SOS1: variants seen among roughly 807,000 people sequenced by gnomAD.
The protein encoded by SOS1 is son of sevenless homolog 1.
SOS1 carries 25 observed loss-of-function variants against 157.6 expected under a neutral mutation model. The ratio of observed to expected loss-of-function variants is 0.16; its 90% CI spans 0.12 to 0.22. The LOEUF is 0.22. SOS1 is among the 10% of genes least tolerant of loss of function. The pLI, the probability that SOS1 is intolerant of heterozygous loss-of-function variation, is 1.00. For missense variants in SOS1, 1,237 were observed against 1,599.1 expected (o/e 0.77, Z 3.86); for synonymous variants, 528 against 534.0 (o/e 0.99, Z 0.16).
intron 11 of SOS1, 94 bp from the exon 12 acceptor site, chr2:39,014,083 A>T: frequency 4.5e-6 from 4 of 881,910 alleles, no homozygotes; most frequent in Non-Finnish European, 7.2e-6. Context: ...AGCAAAATCA[A>T]GAGAATACTG....
intron 17 of SOS1, among the ~76,000 whole-genome samples, chr2:39,000,533 G>A (rs1327987753): frequency 6.6e-6 from 1 of 152,152 alleles, no homozygotes; most frequent in Non-Finnish European, 1.5e-5. Flanking sequence ...TAGGGAAAGA[G>A]AAAACAGAGC....
At chr2:39,114,574 T>A (rs780751857) in intron 1 of SOS1, among the ~76,000 whole-genome samples, 1 of 152,134 alleles carries the variant, frequency 6.6e-6, no homozygotes, top group Non-Finnish European at 1.5e-5. Flanking sequence ...AGTGCTGGGA[T>A]TACAGGCGTG....
chr2:39,090,131 C>A (rs190164196), intron 1 of SOS1, among the ~76,000 whole-genome samples: 15 of 97,148 alleles, frequency 1.5e-4, no homozygotes, highest in Admixed American at 2.3e-4. Flanking sequence ...CAGAGTGAGA[C>A]CCTGTCTCAA....
At chr2:39,017,120 G>T (rs765061017) in intron 10 of SOS1, among the ~76,000 whole-genome samples, 2 of 151,988 alleles carry the variant, frequency 1.3e-5, no homozygotes, top group Non-Finnish European at 2.9e-5. Flanking sequence ...GAGCAGGGCT[G>T]GAAGAGATGT....
At chr2:39,042,731 T>A (rs973657619) in intron 6 of SOS1, among the ~76,000 whole-genome samples, 1 of 151,476 alleles carries the variant, frequency 6.6e-6, no homozygotes. Flanking sequence ...TTTTTTTTTT[T>A]TAAAAACAAA....
intron 1 of SOS1, among the ~76,000 whole-genome samples, chr2:39,103,407 C>T (rs1673047001): frequency 6.6e-6 from 1 of 152,032 alleles, no homozygotes; most frequent in Non-Finnish European, 1.5e-5. Flanking sequence ...GAACTTACTA[C>T]AATGCTACAG....
chr2:39,060,042 G>C (rs982188897), intron 2 of SOS1, among the ~76,000 whole-genome samples: 1 of 152,174 alleles, frequency 6.6e-6, no homozygotes, highest in African/African-American at 2.4e-5. Context: ...GGTGAAAAGG[G>C]AGAAAAGGGA....
At chr2:39,116,569 T>C (rs1277048173) in intron 1 of SOS1, among the ~76,000 whole-genome samples, 2 of 152,238 alleles carry the variant, frequency 1.3e-5, no homozygotes, top group Non-Finnish European at 2.9e-5. Flanking sequence ...GTGCTGTTAC[T>C]CCCCTACTTA....
At chr2:39,045,498 G>A (rs369777831) in intron 6 of SOS1, among the ~76,000 whole-genome samples, 127 of 152,062 alleles carry the variant, frequency 8.4e-4, no homozygotes, top group African/African-American at 3.0e-3. Flanking sequence ...GTATCTTCAT[G>A]ATAGTATCCC....
chr2:39,092,669 T>C (rs1050021648), intron 1 of SOS1, among the ~76,000 whole-genome samples: 7 of 152,150 alleles, frequency 4.6e-5, no homozygotes, highest in Admixed American at 6.5e-5. Context: ...TGTTGGTGGG[T>C]TGAATGAATA....
At chr2:39,059,241 C>T (rs1212829553) in intron 2 of SOS1, among the ~76,000 whole-genome samples, 1 of 152,130 alleles carries the variant, frequency 6.6e-6, no homozygotes, top group African/African-American at 2.4e-5. Context: ...ATTCTTTATC[C>T]ACCATGCAAA....
upstream of SOS1, chr2:39,124,214 C>CCGTGCGGACTCAGAAA (rs1207799760): frequency 1.7e-4 from 26 of 152,506 alleles, no homozygotes; most frequent in African/African-American, 6.3e-4. Flanking sequence ...GAGAAGACAA[C>CCGTGCGGACTCAGAAA]CGTGCGGACT....
intron 6 of SOS1, among the ~76,000 whole-genome samples, chr2:39,036,623 G>C (rs979792435): frequency 1.3e-5 from 2 of 152,174 alleles, no homozygotes; most frequent in African/African-American, 4.8e-5. Context: ...GGCCAGGCTG[G>C]AGTGCAGTGG....
chr2:39,085,086 A>G (rs1343838502), intron 1 of SOS1, among the ~76,000 whole-genome samples: 1 of 152,072 alleles, frequency 6.6e-6, no homozygotes, highest in Admixed American at 6.6e-5. Flanking sequence ...TTACTCTGTC[A>G]TGAGGTTGGA....
intron 1 of SOS1, among the ~76,000 whole-genome samples, chr2:39,089,590 C>G (rs1241021603): frequency 6.6e-6 from 1 of 150,632 alleles, no homozygotes; most frequent in Non-Finnish European, 1.5e-5. Context: ...TCCCAATGAC[C>G]AACGCTGCAA....
intron 1 of SOS1, among the ~76,000 whole-genome samples, chr2:39,107,635 GGCTCCCCTTGAA>G (rs1673248532): frequency 6.8e-6 from 1 of 147,138 alleles, no homozygotes; most frequent in African/African-American, 2.5e-5. Flanking sequence ...CAATGACAAA[GGCTCCCCTTGAA>G]GCATCACACT....
At chr2:39,105,102 C>A (rs1673115790) in intron 1 of SOS1, among the ~76,000 whole-genome samples, 1 of 152,064 alleles carries the variant, frequency 6.6e-6, no homozygotes, top group Admixed American at 6.6e-5. Flanking sequence ...AACAAAACAT[C>A]TATGAATTAA....
intron 1 of SOS1, among the ~76,000 whole-genome samples, chr2:39,092,872 A>G: frequency 6.6e-6 from 1 of 152,238 alleles, no homozygotes; most frequent in East Asian, 1.9e-4. Flanking sequence ...TAGGCATTTG[A>G]GAAAAACTTC....
At chr2:39,038,628 G>C (rs1670440423) in intron 6 of SOS1, among the ~76,000 whole-genome samples, 1 of 150,006 alleles carries the variant, frequency 6.7e-6, no homozygotes, top group African/African-American at 2.5e-5. Flanking sequence ...TAGCTACTCG[G>C]GAGGCTGAGG....
Sources: gnomAD v4.1 joint callset for allele counts (sites outside exome capture counted in the v4.1 genomes callset) on GRCh38, gnomAD v4.1.1 for gene constraint, MANE v1.5 for transcripts, NCBI Gene and HGNC (gene_info 2026-07-23, HGNC 2026-07-21) for gene names.